CDH18: variants seen among roughly 807,000 people sequenced by gnomAD.
The protein encoded by CDH18 is cadherin-18.
In CDH18, 31 loss-of-function variants were observed where a neutral mutation model predicts 67.9. The observed-to-expected ratio is 0.46, with a 90% confidence interval of 0.34 to 0.62. CDH18 has a LOEUF of 0.62. Ranked by LOEUF, CDH18 falls within the 20% of genes least tolerant of loss-of-function variation. The pLI, the probability that CDH18 is intolerant of heterozygous loss-of-function variation, is 0.01. For synonymous variants in CDH18, 362 were observed against 347.2 expected (o/e 1.04, Z -0.48); for missense variants, 890 against 975.5 (o/e 0.91, Z 1.17).
At chr5:20,371,888 G>A (rs1181734098) in intron 1 of CDH18, among the ~76,000 whole-genome samples, 1 of 152,168 alleles carries the variant, frequency 6.6e-6, no homozygotes, top group African/African-American at 2.4e-5. Context: ...TGAGGCTTTG[G>A]CGATATGAGC....
intron 2 of CDH18, among the ~76,000 whole-genome samples, chr5:19,884,011 A>G (rs1037058695): frequency 6.6e-6 from 1 of 152,084 alleles, no homozygotes; most frequent in Non-Finnish European, 1.5e-5. Flanking sequence ...TTAATGTGTG[A>G]TTATTTTTAT....
In CDH18 at chr5:19,635,218, T is replaced by C. The variant is rs141636744; in HGVS notation, c.644-22617A>G. Among the ~76,000 whole-genome samples the C allele has an allele frequency of 8.5e-5, 13 of 152,334 alleles. No homozygotes were observed. The East Asian group carries it at 1.4e-3, about 16-fold the overall frequency. On this transcript the variant is annotated intron_variant, in intron 5 of 12. Transcript: ENST00000382275. The stretch of plus-strand genomic sequence containing the variant: ...GCTTTTTCAATAGAAAGAATATGTA[T>C]ACCATGTTCCTTACATGGATTAGAA...
intron 2 of CDH18, among the ~76,000 whole-genome samples, chr5:19,962,717 A>C (rs956762801): frequency 6.6e-6 from 1 of 152,104 alleles, no homozygotes; most frequent in Non-Finnish European, 1.5e-5. Context: ...CGGAGGTTGC[A>C]GTGAACCGAG....
intron 5 of CDH18, among the ~76,000 whole-genome samples, chr5:19,621,369 G>A (rs1031175918): frequency 2.6e-5 from 4 of 152,096 alleles, no homozygotes; most frequent in African/African-American, 7.2e-5. Flanking sequence ...TTTGATGATA[G>A]CCATCCTAGC....
chr5:20,447,807 A>G (rs1385234826), intron 1 of CDH18, among the ~76,000 whole-genome samples: 1 of 152,174 alleles, frequency 6.6e-6, no homozygotes, highest in Admixed American at 6.5e-5. Context: ...CTACTCACAC[A>G]TGAGTTATCC....
chr5:20,105,168 G>A (rs1746818095), intron 2 of CDH18, among the ~76,000 whole-genome samples: 1 of 151,928 alleles, frequency 6.6e-6, no homozygotes, highest in Admixed American at 6.6e-5. Context: ...TGTATTTTTA[G>A]TAGAGACCGG....
intron 1 of CDH18, among the ~76,000 whole-genome samples, chr5:20,547,166 A>G (rs1757387473): frequency 6.6e-6 from 1 of 152,228 alleles, no homozygotes; most frequent in Admixed American, 6.5e-5. Flanking sequence ...TTTATGTTAG[A>G]AAGTGAGATT....
chr5:19,767,868 A>C (rs1773288386), intron 3 of CDH18, among the ~76,000 whole-genome samples: 1 of 152,188 alleles, frequency 6.6e-6, no homozygotes, highest in African/African-American at 2.4e-5. Flanking sequence ...GATGTATAGA[A>C]GAAAAATGTA....
At chr5:20,113,260 C>A (rs1747629129) in intron 2 of CDH18, among the ~76,000 whole-genome samples, 1 of 152,106 alleles carries the variant, frequency 6.6e-6, no homozygotes, top group Non-Finnish European at 1.5e-5. Flanking sequence ...ACAGTACTCC[C>A]ATTTATTGAA....
chr5:20,261,523 G>A lies in CDH18; in HGVS notation c.-579-6018C>T, dbSNP rs186930630. On this transcript the variant is annotated intron_variant, in intron 1 of 14. Coordinates refer to the CDH18 transcript ENST00000507958. ...TGGGAGGCTGAGGCGGGCAGATCAC[G>A]AGGTCAGGAGATCAGTACCATCCTG... Among the ~76,000 whole-genome samples the A allele has an allele frequency of 5.2e-4, 79 of 152,220 alleles. No homozygotes were observed. In the East Asian group the frequency reaches 9.5e-3, roughly 18 times the overall value.
intron 5 of CDH18, 24 bp downstream of exon 5, chr5:19,721,323 C>A (rs765958833): frequency 1.9e-6 from 3 of 1,543,648 alleles, no homozygotes; most frequent in Admixed American, 1.8e-5. Context: ...CGCTTGCATG[C>A]GAGTTATGTG....
intron 2 of CDH18, among the ~76,000 whole-genome samples, chr5:20,216,069 C>A (rs982154525): frequency 6.6e-6 from 1 of 151,702 alleles, no homozygotes; most frequent in African/African-American, 2.4e-5. Context: ...TATAATAAAC[C>A]CCCATGACAC....
intron 2 of CDH18, among the ~76,000 whole-genome samples, chr5:19,905,231 G>A (rs1355551491): frequency 2.6e-5 from 4 of 152,052 alleles, no homozygotes; most frequent in Non-Finnish European, 5.9e-5. Context: ...TAATACTGTT[G>A]CTACATTTTA....
At chr5:20,484,899 G>T (rs538127150) in intron 1 of CDH18, among the ~76,000 whole-genome samples, 45 of 152,102 alleles carry the variant, frequency 3.0e-4, no homozygotes, top group Admixed American at 5.9e-4. Context: ...TACAGTCAAT[G>T]ATATTTTATC....
intron 1 of CDH18, among the ~76,000 whole-genome samples, chr5:20,526,607 G>C (rs892418707): frequency 6.6e-6 from 1 of 152,040 alleles, no homozygotes; most frequent in South Asian, 2.1e-4. Context: ...GTGATACCCA[G>C]GTAAACAGGG....
At chr5:20,456,336 T>A (rs1750834625) in intron 1 of CDH18, among the ~76,000 whole-genome samples, 2 of 152,270 alleles carry the variant, frequency 1.3e-5, no homozygotes, top group East Asian at 3.9e-4. Flanking sequence ...TTTAGTGGAA[T>A]TAACTTTCAG....
chr5:19,887,914 A>AT (rs1025050672), intron 2 of CDH18, among the ~76,000 whole-genome samples: 3 of 151,860 alleles, frequency 2.0e-5, no homozygotes, highest in Admixed American at 2.0e-4. Flanking sequence ...TCATGGTTCA[A>AT]TTTTTTTGAA....
intron 1 of CDH18, among the ~76,000 whole-genome samples, chr5:20,418,671 A>G (rs1011890442): frequency 2.0e-5 from 3 of 151,966 alleles, no homozygotes; most frequent in African/African-American, 7.3e-5. Context: ...TTTTTGTACA[A>G]TTAATAATGA....
intron 8 of CDH18, among the ~76,000 whole-genome samples, chr5:19,558,876 C>T (rs981258540): frequency 3.3e-5 from 5 of 151,650 alleles, no homozygotes; most frequent in African/African-American, 1.2e-4. Flanking sequence ...TACACAGACC[C>T]GGATGAACAT....
Sources: allele counts gnomAD v4.1 joint callset (sites outside exome capture counted in the v4.1 genomes callset), GRCh38; gene constraint gnomAD v4.1.1; transcripts MANE v1.5; gene names NCBI Gene and HGNC (gene_info 2026-07-23, HGNC 2026-07-21).